The following WDR45B variants were observed in gnomAD, a reference collection of about 807,000 sequenced individuals.
The protein encoded by WDR45B is WD repeat domain 45B.
WDR45B carries 20 observed loss-of-function variants against 44.6 expected under a neutral mutation model. The observed-to-expected ratio is 0.45, with a 90% CI of 0.32 to 0.65. The LOEUF (loss-of-function observed/expected upper bound fraction) is 0.65, where lower values mean the gene tolerates loss of function less well. WDR45B is among the 30% of genes least tolerant of loss of function. The probability of loss-of-function intolerance (pLI) is 0.05; values close to 1 mark genes in which losing one functional copy is unlikely to be tolerated. For missense variants in WDR45B, 323 were observed against 430.2 expected (o/e 0.75, Z 2.20); for synonymous variants, 169 against 164.9 (o/e 1.02, Z -0.19).
Position 82,621,812 on chromosome 17 carries a change from A to G in WDR45B, c.428-13T>C, listed in dbSNP as rs369496228. 1.5e-4 allele frequency: 240 copies of G among 1,613,760 alleles called. No individual in the cohort carries two copies. The highest frequency in any genetic ancestry group is 1.9e-4 in the Non-Finnish European group (228 of 1,179,958). On this transcript the variant is annotated splice_polypyrimidine_tract_variant and intron_variant, in intron 5 of 9. Transcript: ENST00000392325. ...AGGACACAGAGGCCTGCGTGGAGAC[A>G]GAGGACACCAATCAAGAACTGCCTT... is the stretch of plus-strand genomic sequence containing the variant.
rs566360748 is a variant in WDR45B, at chr17:82,646,958, G to C, written c.67+1316C>G. ...TCAAATATGTGTAATCCGGCCGGGC[G>C]CAGTGGCTCACGCCTGTAATCCCAG... On this transcript the variant is annotated intron_variant, in intron 1 of 9. Coordinates refer to ENST00000392325, the MANE Select transcript of WDR45B (RefSeq NM_019613.4). Among the ~76,000 whole-genome samples, 7 of 152,296 alleles carry C rather than the reference G, an allele frequency of 4.6e-5. 1 individual carries two copies. The highest frequency in any genetic ancestry group is 1.7e-4 in the African/African-American group (7 of 41,566).
chr17:82,645,297 CAA>C (rs573297154), intron 1 of WDR45B, among the ~76,000 whole-genome samples: 1 of 125,830 alleles, frequency 7.9e-6, no homozygotes. Context: ...GACTCCGTCT[CAA>C]AAAAAAAAAC....
intron 4 of WDR45B, 40 bp downstream of exon 4, chr17:82,627,164 G>C: frequency 6.7e-7 from 1 of 1,482,562 alleles, no homozygotes; most frequent in Non-Finnish European, 9.4e-7. Flanking sequence ...TTTTGAGAAA[G>C]TGAAATACCA....
chr17:82,617,230 C>T (rs2045549099), intron 8 of WDR45B, 66 bp downstream of exon 8: 2 of 1,490,854 alleles, frequency 1.3e-6, no homozygotes, highest in African/African-American at 2.8e-5. Context: ...CTGTCCCGTC[C>T]ACACTGAAAC....
chr17:82,632,905 A>G (rs2045785962), intron 2 of WDR45B, among the ~76,000 whole-genome samples: 1 of 152,168 alleles, frequency 6.6e-6, no homozygotes, highest in African/African-American at 2.4e-5. Flanking sequence ...GCAGTGGCTC[A>G]CGCCTGTAAT....
At chr17:82,619,887 C>T (rs565671108) in intron 6 of WDR45B, among the ~76,000 whole-genome samples, 1 of 152,184 alleles carries the variant, frequency 6.6e-6, no homozygotes, top group Non-Finnish European at 1.5e-5. Flanking sequence ...ACAGATGTTG[C>T]AAGGCTCTGC....
chr17:82,635,399 G>A (rs920035129), intron 2 of WDR45B, among the ~76,000 whole-genome samples: 1 of 149,888 alleles, frequency 6.7e-6, no homozygotes, highest in Non-Finnish European at 1.5e-5. Flanking sequence ...AGTTATTAAT[G>A]CTTGATTATA....
At chr17:82,621,924 A>T in intron 5 of WDR45B, 125 bp from the exon 6 acceptor site, 2 of 1,107,128 alleles carry the variant, frequency 1.8e-6, no homozygotes, top group South Asian at 2.7e-5. Flanking sequence ...CAGAACCACA[A>T]ATTCAATTTA....
At position 82,615,688 on chromosome 17, in the gene WDR45B, C is replaced by T; in HGVS notation, c.*231G>A. On this transcript the variant is annotated 3_prime_UTR_variant, in exon 10 of 10. Coordinates refer to ENST00000392325, the MANE Select transcript of WDR45B (RefSeq NM_019613.4). Reference sequence around the variant, plus strand: ...ACTCATGGGAACAGCCAGTGGCCGCCAGTCGAGCTGGTCACAGCCACTGAG... The same window carrying T: ...ACTCATGGGAACAGCCAGTGGCCGCTAGTCGAGCTGGTCACAGCCACTGAG... 1.8e-6 allele frequency: 1 copy of T among 559,466 alleles called. No homozygotes were observed. The highest frequency in any genetic ancestry group is 3.2e-6 in the Non-Finnish European group (1 of 310,956). The allele number at this position is 559,466 out of a possible 1,614,324, so 34.7% of individuals were successfully genotyped here. A position where few individuals can be genotyped will look rare whatever the true frequency, so the allele number is the denominator to read the frequency against.
intron 2 of WDR45B, among the ~76,000 whole-genome samples, chr17:82,632,641 C>T (rs2045782442): frequency 6.6e-6 from 1 of 152,322 alleles, no homozygotes; most frequent in Admixed American, 6.5e-5. Flanking sequence ...CACCCACCCA[C>T]TTCTGTGTCT....
chr17:82,629,792 A>T (rs1422470182), intron 3 of WDR45B: 1 of 984,928 alleles, frequency 1.0e-6, no homozygotes, highest in Non-Finnish European at 1.2e-6. Flanking sequence ...CTGCCTTTCC[A>T]CACAATCCTT....
In WDR45B at chr17:82,635,559, G is replaced by C. The variant is rs371491083; in HGVS notation, c.143-4537C>G. ...TCCTGCCTCAGCCTCCCAAGTAGCT[G>C]GGATTACAGGCGCCCATCACACCCA... On this transcript the variant is annotated intron_variant, in intron 2 of 9. Coordinates refer to ENST00000392325, the MANE Select transcript of WDR45B (RefSeq NM_019613.4). 2.4e-4 allele frequency among the ~76,000 whole-genome samples: 36 copies of C among 151,302 alleles called. No homozygotes were observed. The East Asian group carries it at 3.3e-3, about 14-fold the overall frequency.
At chr17:82,621,514 C>T (rs2045616462) in intron 6 of WDR45B, 95 bp downstream of exon 6, 25 of 1,542,620 alleles carry the variant, frequency 1.6e-5, no homozygotes, top group Non-Finnish European at 2.1e-5. Flanking sequence ...TGGGGCAGGC[C>T]CACTGCCTTT....
At chr17:82,644,107 A>G (rs143162388) in intron 1 of WDR45B, 84 bp from the exon 2 acceptor site, 13,493 of 1,334,688 alleles carry the variant, frequency 0.01, 91 homozygotes, top group Non-Finnish European at 0.011. Context: ...ACAACTACTG[A>G]GAACTCTTGC....
At chr17:82,628,774 C>T (rs972197202) in intron 3 of WDR45B, among the ~76,000 whole-genome samples, 7 of 151,536 alleles carry the variant, frequency 4.6e-5, no homozygotes, top group South Asian at 2.1e-4. Context: ...CAGAGGCAGG[C>T]GGATCAATGG....
chr17:82,635,982 G>A (rs68140114), intron 2 of WDR45B, among the ~76,000 whole-genome samples: 40,212 of 151,864 alleles, frequency 0.26, 6,145 homozygotes, highest in Non-Finnish European at 0.33. Flanking sequence ...AGCTACTCGA[G>A]AAGTTGGGGC....
intron 6 of WDR45B, among the ~76,000 whole-genome samples, chr17:82,621,243 G>A (rs1411418613): frequency 2.2e-4 from 34 of 152,000 alleles, no homozygotes; most frequent in Non-Finnish European, 1.5e-5. Flanking sequence ...TAGTAGAGAC[G>A]GGGTTTCACC....
intron 1 of WDR45B, among the ~76,000 whole-genome samples, chr17:82,645,425 T>A (rs1040940803): frequency 6.6e-6 from 1 of 151,932 alleles, no homozygotes; most frequent in Non-Finnish European, 1.5e-5. Context: ...CAAGAGGATA[T>A]CCAAGTGGTC....
chr17:82,638,029 A>C (rs2045858215), intron 2 of WDR45B, among the ~76,000 whole-genome samples: 1 of 149,802 alleles, frequency 6.7e-6, no homozygotes, highest in Non-Finnish European at 1.5e-5. Flanking sequence ...CAAAACAAAC[A>C]AAAAAACGTA....
Sources: allele counts gnomAD v4.1 joint callset (sites outside exome capture counted in the v4.1 genomes callset), GRCh38; gene constraint gnomAD v4.1.1; transcripts MANE v1.5; gene names NCBI Gene and HGNC (gene_info 2026-07-23, HGNC 2026-07-21).